CMTR1: variants seen among roughly 807,000 people sequenced by gnomAD.
CMTR1 encodes cap methyltransferase 1.
In CMTR1, 39 loss-of-function variants were observed where a neutral mutation model predicts 107.0. The observed-to-expected ratio is 0.36, with a 90% CI of 0.28 to 0.48. The LOEUF is 0.48. Among genes scored for constraint, CMTR1 ranks in the 20% least tolerant of loss-of-function variants. CMTR1 has a pLI of 0.99. For synonymous variants in CMTR1, 366 were observed against 379.5 expected, an observed-to-expected ratio of 0.96 and a Z score of 0.41; for missense variants, 672 against 1,064.9, an observed-to-expected ratio of 0.63 and a Z score of 5.14.
chr6:37,479,618 G>C (rs1169909003), intron 23 of CMTR1, among the ~76,000 whole-genome samples: 1 of 152,218 alleles, frequency 6.6e-6, no homozygotes, highest in Non-Finnish European at 1.5e-5. Context: ...TGGCACTCAA[G>C]GTCCCAGCTG....
At chr6:37,469,066 T>C (rs1408763762) in intron 13 of CMTR1, among the ~76,000 whole-genome samples, 1 of 151,796 alleles carries the variant, frequency 6.6e-6, no homozygotes, top group Non-Finnish European at 1.5e-5. Context: ...ACCCAGGAGA[T>C]GGAGGCTGCA....
At chr6:37,468,119 T>C (rs1761544784) in intron 13 of CMTR1, among the ~76,000 whole-genome samples, 1 of 151,992 alleles carries the variant, frequency 6.6e-6, no homozygotes, top group African/African-American at 2.4e-5. Context: ...AATTCAGTAT[T>C]TTTTAGTATT....
In CMTR1 at chr6:37,455,978, C is replaced by T. The variant is rs148538497; in HGVS notation, c.778-2634C>T. On this transcript the variant is annotated intron_variant, in intron 8 of 23. Coordinates refer to ENST00000373451, the MANE Select transcript of CMTR1 (RefSeq NM_015050.3). ...AGTCAGTAAGTAGCAGAGCTAAGAA[C>T]GCCAGCTGTCCTTCCTGTGAAAAGA... Among the ~76,000 whole-genome samples the T allele has an allele frequency of 2.0e-3, 308 of 152,314 alleles. 2 individuals carry two copies. The highest frequency in any genetic ancestry group is 6.0e-3 in the African/African-American group (249 of 41,546).
chr6:37,447,798 T>G (rs915016896), intron 4 of CMTR1, among the ~76,000 whole-genome samples: 1 of 151,614 alleles, frequency 6.6e-6, no homozygotes, highest in Admixed American at 6.6e-5. Context: ...AAGCAGAGGT[T>G]GCAGTGAGCA....
In CMTR1 at chr6:37,481,049, G is replaced by A. The variant is rs1561795622; in HGVS notation, c.*904G>A. 3 of 1,304,268 alleles carry A rather than the reference G, an allele frequency of 2.3e-6. No individual in the cohort carries two copies. Among genetic ancestry groups the A allele is most frequent in the Admixed American group, 2.3e-5 (1 of 43,578 alleles). The allele number at this position is 1,304,268 out of a possible 1,614,324, so 80.8% of individuals were successfully genotyped here. A position where few individuals can be genotyped will look rare whatever the true frequency, so the allele number is the denominator to read the frequency against. ...CGCTGTCTGCCATAGCCGCTCTAGG[G>A]TCTTGGCAGAATTCTGAGCTTGAAG... On this transcript the variant is annotated 3_prime_UTR_variant, in exon 24 of 24. Transcript: ENST00000373451.
intron 17 of CMTR1, among the ~76,000 whole-genome samples, chr6:37,474,298 T>C (rs1761689843): frequency 6.6e-6 from 1 of 152,230 alleles, no homozygotes; most frequent in African/African-American, 2.4e-5. Flanking sequence ...CCTGCACCCG[T>C]TCCAAGGCTG....
intron 23 of CMTR1, 52 bp downstream of exon 23, chr6:37,479,307 G>A (rs915775893): frequency 7.9e-7 from 1 of 1,266,768 alleles, no homozygotes; most frequent in African/African-American, 1.5e-5. Context: ...AAGTACTCCT[G>A]CAGGATGCCA....
rs753730251 is a variant in CMTR1, at chr6:37,459,626, G to A, written c.1037G>A (p.Arg346Gln). ...CGCCCAGAGAACATCTCTGCTTTTCGGAATTTTGTCCTGGATAACACAGAT... is the reference window on the plus strand; with the variant it reads ...CGCCCAGAGAACATCTCTGCTTTTCAGAATTTTGTCCTGGATAACACAGAT... ...ITRPENISAF[R>Q]NFVLDNTDRK... is the part of the protein sequence containing the mutation. Residue 346 changes from arginine (R) to glutamine (Q), a missense_variant, in exon 10 of 24, where the codon CGG (arginine) becomes CAG (glutamine). Coordinates refer to ENST00000373451, the MANE Select transcript of CMTR1 (RefSeq NM_015050.3). 5.6e-6 allele frequency: 9 copies of A among 1,614,142 alleles called. No homozygotes were observed. Among genetic ancestry groups the A allele is most frequent in the Admixed American group, 1.7e-5 (1 of 60,012 alleles).
intron 2 of CMTR1, among the ~76,000 whole-genome samples, chr6:37,438,927 T>A (rs547597146): frequency 4.9e-4 from 75 of 152,326 alleles, no homozygotes; most frequent in African/African-American, 1.6e-3. Context: ...CTGCAGCCAC[T>A]TCTACCTGAA....
At chr6:37,469,697 T>G (rs1761584796) in intron 13 of CMTR1, among the ~76,000 whole-genome samples, 1 of 151,646 alleles carries the variant, frequency 6.6e-6, no homozygotes, top group South Asian at 2.1e-4. Context: ...CTGGCTAGTT[T>G]TTGTATTTTT....
chr6:37,425,402 T>C, the CMTR1 span, among the ~76,000 whole-genome samples: 8 of 151,598 alleles, frequency 5.3e-5, no homozygotes, highest in Admixed American at 2.6e-4. Flanking sequence ...GTTCAAACAA[T>C]TCTCGTGCCT....
chr6:37,472,059 G>A lies in CMTR1; in HGVS notation c.1620+155G>A, dbSNP rs1462908928. Among the ~76,000 whole-genome samples the A allele has an allele frequency of 2.0e-5, 3 of 152,304 alleles. No homozygotes were observed. Among genetic ancestry groups the A allele is most frequent in the Non-Finnish European group, 4.4e-5 (3 of 68,028 alleles). ...AGAGGTTGACATCTCGGCATTGTTG[G>A]TAGTTACGTCCTTGGCCCTTTCACT... On this transcript the variant is annotated intron_variant, in intron 15 of 23. Transcript: ENST00000373451. The surrounding 1 kb of genome is among the most constrained non-coding windows in gnomAD (Gnocchi z 4.1).
Position 37,458,614 on chromosome 6 carries a change from G to A in CMTR1, c.780G>A (p.Lys260=), listed in dbSNP as rs1581740953. 4 of 1,613,126 alleles carry A rather than the reference G, an allele frequency of 2.5e-6. No individual in the cohort carries two copies. The highest frequency in any genetic ancestry group is 2.7e-5 in the African/African-American group (2 of 75,020). Residue 260 remains lysine, a splice_region_variant and synonymous_variant, in exon 9 of 24, where the codon AAG becomes AAA. Coordinates refer to ENST00000373451, the MANE Select transcript of CMTR1 (RefSeq NM_015050.3). This position sits in a 1 kb window ranked among gnomAD's most constrained non-coding sequence, Gnocchi z 4.7. Reference sequence around the variant, plus strand: ...CTGTCCTCCACTTGCCTTTGCAGAAGCCACTGGTGAAGGACCGGGAAGCTG... The same window carrying A: ...CTGTCCTCCACTTGCCTTTGCAGAAACCACTGGTGAAGGACCGGGAAGCTG... ...MFTNPRDSYG[K]PLVKDREAEL...
intron 18 of CMTR1, among the ~76,000 whole-genome samples, chr6:37,474,872 G>A (rs1297810538): frequency 6.6e-6 from 1 of 152,218 alleles, no homozygotes; most frequent in Non-Finnish European, 1.5e-5. Context: ...GACCTCGATT[G>A]TCTCTGTGCA....
At chr6:37,466,114 G>GTTTTTT (rs763461526) in intron 13 of CMTR1, among the ~76,000 whole-genome samples, 2 of 125,192 alleles carry the variant, frequency 1.6e-5, no homozygotes, top group African/African-American at 3.8e-5. Flanking sequence ...TACAGTTTTT[G>GTTTTTT]TTTTTTTTTT....
At position 37,458,902 on chromosome 6, in the gene CMTR1, T is replaced by C. The variant is rs1761349869; in HGVS notation, c.976+92T>C. ...AAGCAGTTGTTATCCACATGCCATA[T>C]TTTCTTTCCTAGGTCTCTTACCCTG... On this transcript the variant is annotated intron_variant, in intron 9 of 23. Transcript: ENST00000373451. The surrounding 1 kb of genome is among the most constrained non-coding windows in gnomAD (Gnocchi z 4.7). The C allele has an allele frequency of 8.4e-7, 1 of 1,186,156 alleles. No homozygotes were observed. The highest frequency in any genetic ancestry group is 1.5e-5 in the African/African-American group (1 of 66,206). 73.5% of individuals were successfully genotyped at this position (1,186,156 alleles called of 1,614,324 possible).
chr6:37,479,703 A>T (rs1445978535), intron 23 of CMTR1, among the ~76,000 whole-genome samples: 2 of 152,218 alleles, frequency 1.3e-5, no homozygotes, highest in Non-Finnish European at 2.9e-5. Context: ...ATGTGCCTGT[A>T]ATTAGCCACT....
chr6:37,426,919 A>G, the CMTR1 span, among the ~76,000 whole-genome samples: 1 of 152,128 alleles, frequency 6.6e-6, no homozygotes, highest in Non-Finnish European at 1.5e-5. Context: ...CAAATGGGGA[A>G]AGTTGCAACA....
intron 2 of CMTR1, among the ~76,000 whole-genome samples, chr6:37,437,140 G>A (rs1444169820): frequency 6.6e-6 from 1 of 151,922 alleles, no homozygotes; most frequent in African/African-American, 2.4e-5. Flanking sequence ...TCCAACCTGT[G>A]GCCCAGGATT....
Sources: gnomAD v4.1 joint callset for allele counts (sites outside exome capture counted in the v4.1 genomes callset) on GRCh38, gnomAD v4.1.1 for gene constraint, Gnocchi (gnomAD v3.1) non-coding constraint, MANE v1.5 for transcripts, NCBI Gene and HGNC (gene_info 2026-07-23, HGNC 2026-07-21) for gene names.